Variants in FRG1 observed in about 807,000 individuals in gnomAD.
FRG1 encodes protein FRG1.
FRG1 carries 19 observed loss-of-function variants against 37.0 expected under a neutral mutation model. The ratio of observed to expected loss-of-function variants is 0.51; its 90% confidence interval spans 0.36 to 0.75. The LOEUF (loss-of-function observed/expected upper bound fraction) is 0.75, where lower values mean the gene tolerates loss of function less well. FRG1 is among the 30% of genes least tolerant of loss of function. The pLI is 0.00. For missense variants in FRG1, 243 were observed against 301.4 expected (o/e 0.81, Z 1.44); for synonymous variants, 73 against 96.5 (o/e 0.76, Z 1.43).
At chr4:189,947,537 G>C (rs77555153) in intron 2 of FRG1, among the ~76,000 whole-genome samples, 6 of 152,012 alleles carry the variant, frequency 3.9e-5, no homozygotes, top group Non-Finnish European at 5.9e-5. Flanking sequence ...TCTAGGAAAG[G>C]TTCATCCTCA....
chr4:189,945,523 A>T (rs897225426), intron 2 of FRG1, among the ~76,000 whole-genome samples: 1 of 152,168 alleles, frequency 6.6e-6, no homozygotes, highest in Non-Finnish European at 1.5e-5. Flanking sequence ...AGCTTTCTTC[A>T]TTCTGCCAGT....
At chr4:189,948,257 G>A (rs1474976215) in intron 2 of FRG1, among the ~76,000 whole-genome samples, 1 of 152,164 alleles carries the variant, frequency 6.6e-6, no homozygotes, top group Admixed American at 6.5e-5. Flanking sequence ...TGGTAAATAG[G>A]ATGAAAGAAA....
chr4:189,941,867 C>A, intron 1 of FRG1: 1 of 443,256 alleles, frequency 2.3e-6, no homozygotes, highest in Non-Finnish European at 4.5e-6. Flanking sequence ...TCGAGTATTT[C>A]CTCCTGGTCT....
chr4:189,941,867 C>T (rs1251626601), intron 1 of FRG1: 5 of 443,140 alleles, frequency 1.1e-5, no homozygotes, highest in African/African-American at 4.0e-5. Context: ...TCGAGTATTT[C>T]CTCCTGGTCT....
At chr4:189,949,217 C>T (rs1314567809) in intron 2 of FRG1, among the ~76,000 whole-genome samples, 4 of 152,254 alleles carry the variant, frequency 2.6e-5, no homozygotes, top group Admixed American at 1.3e-4. Context: ...CTTCAGTGCC[C>T]GTGTTCATAG....
intron 5 of FRG1, among the ~76,000 whole-genome samples, chr4:189,956,549 C>T (rs1286171965): frequency 1.3e-5 from 2 of 152,246 alleles, no homozygotes; most frequent in African/African-American, 4.8e-5. Context: ...CGTCTTGGAC[C>T]ACACCACCAT....
At chr4:189,950,541 T>C (rs189314892) in intron 2 of FRG1, among the ~76,000 whole-genome samples, 2 of 152,238 alleles carry the variant, frequency 1.3e-5, no homozygotes, top group East Asian at 3.8e-4. Context: ...ACTTTTTGTA[T>C]TTGGCATTAG....
chr4:189,940,989 G>T lies in FRG1; in HGVS notation c.-21G>T. ...GTCCAGAACCGGCCTCAGCCTCTCC[G>T]CGCAGAAGTTTCCCGGAGCCATGGC... is the stretch of plus-strand genomic sequence containing the variant. On this transcript the variant is annotated 5_prime_UTR_variant, in exon 1 of 9. Coordinates refer to ENST00000226798, the MANE Select transcript of FRG1 (RefSeq NM_004477.3). The T allele has an allele frequency of 6.2e-7, 1 of 1,609,874 alleles. No homozygotes were observed. The highest frequency in any genetic ancestry group is 1.3e-5 in the African/African-American group (1 of 74,576).
intron 1 of FRG1, among the ~76,000 whole-genome samples, chr4:189,941,667 C>T (rs1393232147): frequency 6.6e-6 from 1 of 152,144 alleles, no homozygotes; most frequent in Non-Finnish European, 1.5e-5. Flanking sequence ...TTTATACTTT[C>T]AGACGTTTTT....
chr4:189,954,518 T>TA (rs1460410736), intron 4 of FRG1, among the ~76,000 whole-genome samples: 5 of 151,840 alleles, frequency 3.3e-5, no homozygotes, highest in Admixed American at 1.3e-4. Flanking sequence ...ATGTTTATAT[T>TA]AAAAAAGCAC....
intron 2 of FRG1, among the ~76,000 whole-genome samples, chr4:189,947,138 G>A (rs536921888): frequency 6.6e-6 from 1 of 152,304 alleles, no homozygotes; most frequent in African/African-American, 2.4e-5. Flanking sequence ...CGCGGTGCCC[G>A]GCCAGTTCAG....
At chr4:189,960,568 T>A (rs1445988557) in intron 6 of FRG1, among the ~76,000 whole-genome samples, 180 bp from the exon 7 acceptor site, 1 of 152,276 alleles carries the variant, frequency 6.6e-6, no homozygotes, top group Non-Finnish European at 1.5e-5. Context: ...TAGCACTTAC[T>A]CATATAGATT....
intron 1 of FRG1, among the ~76,000 whole-genome samples, chr4:189,942,362 A>G (rs2126795507): frequency 6.6e-6 from 1 of 152,212 alleles, no homozygotes; most frequent in East Asian, 1.9e-4. Flanking sequence ...CCCCCTACCC[A>G]TTAAAGCAGT....
chr4:189,941,872 T>C (rs143055454), intron 1 of FRG1: 13,388 of 443,006 alleles, frequency 0.03, 289 homozygotes, highest in Middle Eastern at 0.067. Context: ...TATTTCCTCC[T>C]GGTCTCCGTG....
At chr4:189,952,436 T>C in intron 3 of FRG1, 149 bp downstream of exon 3, 1 of 649,256 alleles carries the variant, frequency 1.5e-6, no homozygotes, top group Non-Finnish European at 2.6e-6. Flanking sequence ...TCCTTAATAT[T>C]TACCAGCCAT....
chr4:189,941,201 C>T (rs1384418317), intron 1 of FRG1, 130 bp downstream of exon 1: 1 of 801,902 alleles, frequency 1.2e-6, no homozygotes, highest in Non-Finnish European at 2.0e-6. Flanking sequence ...TGGCCCCTGT[C>T]CGGGCTGGAC....
intron 2 of FRG1, among the ~76,000 whole-genome samples, chr4:189,944,900 C>T (rs945915710): frequency 6.6e-6 from 1 of 152,184 alleles, no homozygotes; most frequent in Non-Finnish European, 1.5e-5. Context: ...TGGATTTTCT[C>T]GAGAACTGTA....
At chr4:189,946,446 TTC>T (rs1341312973) in intron 2 of FRG1, among the ~76,000 whole-genome samples, 1 of 152,142 alleles carries the variant, frequency 6.6e-6, no homozygotes, top group East Asian at 1.9e-4. Context: ...ATTACTTATT[TTC>T]TCTTTTTTTC....
intron 2 of FRG1, among the ~76,000 whole-genome samples, chr4:189,944,592 T>A (rs968162163): frequency 6.7e-6 from 1 of 149,848 alleles, no homozygotes; most frequent in Non-Finnish European, 1.5e-5. Flanking sequence ...CATGATGTTG[T>A]GAGTTCGGTT....
Sources: gnomAD v4.1 joint callset for allele counts (sites outside exome capture counted in the v4.1 genomes callset) on GRCh38, gnomAD v4.1.1 for gene constraint, MANE v1.5 for transcripts, NCBI Gene and HGNC (gene_info 2026-07-23, HGNC 2026-07-21) for gene names.